NOMO3: variants seen among roughly 807,000 people sequenced by gnomAD.
NOMO3 encodes the protein BOS complex subunit NOMO3.
NOMO3 carries 15 observed loss-of-function variants against 69.9 expected under a neutral mutation model. The ratio of observed to expected loss-of-function variants is 0.21; its 90% confidence interval spans 0.14 to 0.33. The LOEUF is 0.33. Among genes scored for constraint, NOMO3 ranks in the 10% least tolerant of loss-of-function variants. NOMO3 has a pLI of 1.00. For missense variants in NOMO3, 218 were observed against 761.0 expected (o/e 0.29, Z 8.39); for synonymous variants, 89 against 301.9 (o/e 0.29, Z 7.31).
Position 16,266,152 on chromosome 16 carries a change from C to T in NOMO3, c.1807-892C>T, listed in dbSNP as rs419464. ...TGAATTTTCTATAATGTTTTGATGT[C>T]GAGCGGCGGCAGATGTCATCGTCAG... On this transcript the variant is annotated intron_variant, in intron 15 of 30. Transcript: ENST00000399336. Among the ~76,000 whole-genome samples the T allele has an allele frequency of 3.1e-4, 43 of 138,420 alleles. 1 individual carries two copies. The highest frequency in any genetic ancestry group is 9.7e-4 in the African/African-American group (31 of 31,954). The allele number at this position is 138,420 out of a possible 152,430, so 90.8% of individuals were successfully genotyped here.
chr16:16,252,281 G>T lies in NOMO3; in HGVS notation c.874-152G>T, dbSNP rs1382457858. On this transcript the variant is annotated intron_variant, in intron 8 of 30. Transcript: ENST00000399336. ...TTCGTAATAGCTACAAAAAGGGCAA[G>T]GCTTCCTCTTTTCAAATCTGCAACA... The T allele has an allele frequency of 8.0e-6, 12 of 1,502,042 alleles. 1 individual carries two copies. The East Asian group carries it at 3.0e-4, about 38-fold the overall frequency. 93.0% of individuals were successfully genotyped at this position (1,502,042 alleles called of 1,614,324 possible).
At position 16,235,912 on chromosome 16, in the gene NOMO3, T is replaced by C. The variant is rs1021047478; in HGVS notation, c.166-989T>C. ...AAAGGAGTGGCTCTATGTCTGCACC[T>C]GAAGAAACCGAACACGAGCTTGCCC... On this transcript the variant is annotated intron_variant, in intron 1 of 30. Coordinates refer to ENST00000399336, the MANE Select transcript of NOMO3 (RefSeq NM_001004067.4). 9.3e-5 allele frequency: 40 copies of C among 431,458 alleles called. 2 individuals are homozygous for C. Among genetic ancestry groups the C allele is most frequent in the Admixed American group, 2.5e-5 (1 of 40,434 alleles). 26.7% of individuals were successfully genotyped at this position (431,458 alleles called of 1,614,324 possible).
rs370511185 is a variant in NOMO3 at position 16,255,861 on chromosome 16, C to T, written c.1069+36C>T. 105 of 1,502,810 alleles carry T rather than the reference C, an allele frequency of 7.0e-5. 3 individuals are homozygous for T. Among genetic ancestry groups the T allele is most frequent in the African/African-American group, 9.9e-5 (5 of 50,520 alleles). 93.1% of individuals were successfully genotyped at this position (1,502,810 alleles called of 1,614,324 possible). On this transcript the variant is annotated intron_variant, in intron 10 of 30. Coordinates refer to ENST00000399336, the MANE Select transcript of NOMO3 (RefSeq NM_001004067.4). ...ACAGCAGCCCCAGGCTGATGGCCAGCGCTCTTTTTGGATCACAGAGAGAAA... is the reference window on the plus strand; with the variant it reads ...ACAGCAGCCCCAGGCTGATGGCCAGTGCTCTTTTTGGATCACAGAGAGAAA...
chr16:16,251,423 C>G (rs1306278016), intron 7 of NOMO3: 2 of 161,386 alleles, frequency 1.2e-5, no homozygotes, highest in African/African-American at 7.0e-5. Context: ...ATCGCTTGAA[C>G]CCAGGAGGTG....
At chr16:16,240,739 C>A (rs1460922444) in intron 3 of NOMO3, among the ~76,000 whole-genome samples, 6 of 143,280 alleles carry the variant, frequency 4.2e-5, no homozygotes, top group African/African-American at 1.7e-4. Flanking sequence ...GTAGGGATCA[C>A]CGTTGTTGAT....
intron 11 of NOMO3, among the ~76,000 whole-genome samples, chr16:16,256,408 T>TG (rs776738568): frequency 2.0e-5 from 2 of 100,526 alleles, no homozygotes; most frequent in Non-Finnish European, 3.6e-5. Flanking sequence ...CCCAAGTAGC[T>TG]GGGACTACAG....
At chr16:16,259,309 T>C (rs2856553) in intron 11 of NOMO3, among the ~76,000 whole-genome samples, 22,982 of 143,878 alleles carry the variant, frequency 0.16, 3,325 homozygotes, top group Non-Finnish European at 0.21. Flanking sequence ...ATGTAGTACA[T>C]TTGCCTTTTT....
intron 11 of NOMO3, among the ~76,000 whole-genome samples, chr16:16,257,831 A>G (rs1026369149): frequency 7.0e-6 from 1 of 143,498 alleles, no homozygotes; most frequent in Non-Finnish European, 1.5e-5. Context: ...TCCAGTGGTG[A>G]ATGGAAGACA....
At chr16:16,251,431 G>T (rs1479265905) in intron 7 of NOMO3, 1 of 164,866 alleles carries the variant, frequency 6.1e-6, no homozygotes, top group East Asian at 2.3e-4. Flanking sequence ...AACCCAGGAG[G>T]TGGAGGTTGC....
intron 6 of NOMO3, among the ~76,000 whole-genome samples, chr16:16,250,230 C>G (rs1231238206): frequency 2.1e-5 from 3 of 144,618 alleles, no homozygotes; most frequent in African/African-American, 8.3e-5. Context: ...CTTGGCAACA[C>G]GTAAGAGAAA....
intron 2 of NOMO3, among the ~76,000 whole-genome samples, chr16:16,237,234 T>C (rs1199495083): frequency 6.9e-6 from 1 of 144,764 alleles, no homozygotes; most frequent in African/African-American, 2.8e-5. Context: ...GTGACATCTG[T>C]GGCTGTGCGC....
rs1354381104 is a variant in NOMO3, at chr16:16,258,864, C to CA, written c.1221-2624dup. ...TGGGCGACAGGGTGAGATTCCGTCT[C>CA]AAAAAAAAAAAAAAGAGTTATCAGT... On this transcript the variant is annotated intron_variant, in intron 11 of 30. Transcript: ENST00000399336. Among the ~76,000 whole-genome samples the CA allele has an allele frequency of 1.3e-3, 145 of 108,806 alleles. 5 individuals carry two copies. Among genetic ancestry groups the CA allele is most frequent in the Middle Eastern group, 4.8e-3 (1 of 210 alleles). 71.4% of individuals were successfully genotyped at this position (108,806 alleles called of 152,430 possible). A position where few individuals can be genotyped will look rare whatever the true frequency, so the allele number is the denominator to read the frequency against.
Position 16,234,523 on chromosome 16 carries a change from G to A in NOMO3, c.165+1692G>A, listed in dbSNP as rs1047271984. 2.3e-3 allele frequency among the ~76,000 whole-genome samples: 327 copies of A among 140,788 alleles called. 6 individuals are homozygous for A. Among genetic ancestry groups the A allele is most frequent in the Non-Finnish European group, 4.1e-3 (268 of 65,728 alleles). The allele number at this position is 140,788 out of a possible 152,430, so 92.4% of individuals were successfully genotyped here. A position where few individuals can be genotyped will look rare whatever the true frequency, so the allele number is the denominator to read the frequency against. ...TGGCCATCTTGATGTAGATTACATT[G>A]CCATCCTGTGTCCTGATTGTACTTT... On this transcript the variant is annotated intron_variant, in intron 1 of 30. Transcript: ENST00000399336.
chr16:16,254,710 A>G lies in NOMO3; in HGVS notation c.964-1010A>G, dbSNP rs925098346. On this transcript the variant is annotated intron_variant, in intron 9 of 30. Coordinates refer to ENST00000399336, the MANE Select transcript of NOMO3 (RefSeq NM_001004067.4). ...GACAACTAAGAAATCGAACGAGGAC[A>G]TTTCAGATACTGGTAAGTTTGATGA... 7.0e-5 allele frequency among the ~76,000 whole-genome samples: 10 copies of G among 143,686 alleles called. 1 individual carries two copies. Among genetic ancestry groups the G allele is most frequent in the Non-Finnish European group, 5.9e-5 (4 of 67,742 alleles). The allele number at this position is 143,686 out of a possible 152,430, so 94.3% of individuals were successfully genotyped here.
At chr16:16,266,689 T>C (rs2049622556) in intron 15 of NOMO3, 1 of 430,800 alleles carries the variant, frequency 2.3e-6, no homozygotes, top group Non-Finnish European at 4.2e-6. Context: ...TTCCTGTTTA[T>C]TTTCACAGCT....
Position 16,262,700 on chromosome 16 carries a change from T to C in NOMO3, c.1396-374T>C, listed in dbSNP as rs1277373290. Among the ~76,000 whole-genome samples the C allele has an allele frequency of 3.7e-4, 50 of 136,832 alleles. 1 individual carries two copies. Among genetic ancestry groups the C allele is most frequent in the African/African-American group, 3.2e-4 (10 of 31,230 alleles). The allele number at this position is 136,832 out of a possible 152,430, so 89.8% of individuals were successfully genotyped here. A position where few individuals can be genotyped will look rare whatever the true frequency, so the allele number is the denominator to read the frequency against. Reference sequence around the variant, plus strand: ...ATGACTTAATTCCACCAAAGTGTCATCCACATAGTGTTGACAGGTTCAGAG... The same window carrying C: ...ATGACTTAATTCCACCAAAGTGTCACCCACATAGTGTTGACAGGTTCAGAG... On this transcript the variant is annotated intron_variant, in intron 12 of 30. Coordinates refer to ENST00000399336, the MANE Select transcript of NOMO3 (RefSeq NM_001004067.4).
chr16:16,249,406 C>G (rs1290409798), intron 6 of NOMO3, among the ~76,000 whole-genome samples: 1 of 141,930 alleles, frequency 7.0e-6, no homozygotes, highest in Non-Finnish European at 1.5e-5. Flanking sequence ...ATGGTGAAAC[C>G]GCATCTCTAC....
chr16:16,263,345 G>A lies in NOMO3; in HGVS notation c.1537+130G>A, dbSNP rs2049580835. The A allele has an allele frequency of 1.8e-5, 29 of 1,579,040 alleles. 2 individuals are homozygous for A. Among genetic ancestry groups the A allele is most frequent in the Non-Finnish European group, 2.3e-5 (27 of 1,169,160 alleles). Reference sequence around the variant, plus strand: ...CACCTGCGTGCGAGGGAGGCTTCTTGGAGTCAGGTGGGTACATGTTAACTT... The same window carrying A: ...CACCTGCGTGCGAGGGAGGCTTCTTAGAGTCAGGTGGGTACATGTTAACTT... On this transcript the variant is annotated intron_variant, in intron 13 of 30. Transcript: ENST00000399336.
At chr16:16,268,455 T>G (rs434427) in intron 16 of NOMO3, among the ~76,000 whole-genome samples, 4,597 of 141,752 alleles carry the variant, frequency 0.032, 314 homozygotes, top group African/African-American at 0.055. Flanking sequence ...CGTGTCTCAT[T>G]GTGGTTTTGT....
Sources: gnomAD v4.1 joint callset for allele counts (sites outside exome capture counted in the v4.1 genomes callset) on GRCh38, gnomAD v4.1.1 for gene constraint, MANE v1.5 for transcripts, NCBI Gene and HGNC (gene_info 2026-07-23, HGNC 2026-07-21) for gene names.